The following METTL16 variants were observed in gnomAD, a reference collection of about 807,000 sequenced individuals.
The protein encoded by METTL16 is RNA N(6)-adenosine-methyltransferase METTL16.
A neutral mutation model predicts 57.9 loss-of-function variants in METTL16; 19 were observed. That is an observed-to-expected ratio of 0.33 (90% CI 0.23 to 0.48). METTL16 has a LOEUF of 0.48. Among genes scored for constraint, METTL16 ranks in the 20% least tolerant of loss-of-function variants. The pLI is 0.99. For synonymous variants in METTL16, 246 were observed against 255.6 expected (o/e 0.96, Z 0.36); for missense variants, 434 against 691.5 (o/e 0.63, Z 4.18).
intron 6 of METTL16, among the ~76,000 whole-genome samples, chr17:2,460,857 C>T (rs2151561710): frequency 6.7e-6 from 1 of 149,586 alleles, no homozygotes; most frequent in African/African-American, 2.5e-5. Context: ...TGCACTCCAG[C>T]CTAGGCAGTA....
intron 3 of METTL16, among the ~76,000 whole-genome samples, chr17:2,477,206 T>G (rs769583605): frequency 6.6e-6 from 1 of 151,958 alleles, no homozygotes; most frequent in African/African-American, 2.4e-5. Flanking sequence ...AAAAATAAAA[T>G]GAAAAGCTAT....
At chr17:2,460,885 CAAAA>C (rs1369970185) in intron 6 of METTL16, among the ~76,000 whole-genome samples, 1 of 57,798 alleles carries the variant, frequency 1.7e-5, no homozygotes, top group Non-Finnish European at 3.7e-5. Flanking sequence ...AACTCAGTCT[CAAAA>C]AAAAAAAAAA....
At chr17:2,424,523 A>T (rs1256806279) in intron 8 of METTL16, 1 of 152,280 alleles carries the variant, frequency 6.6e-6, no homozygotes, top group East Asian at 1.9e-4. Flanking sequence ...AAGTGTTCGG[A>T]CTCCAGGCCT....
chr17:2,431,851 C>T (rs886841012), intron 8 of METTL16, among the ~76,000 whole-genome samples: 2 of 152,048 alleles, frequency 1.3e-5, no homozygotes, highest in Middle Eastern at 3.4e-3. Context: ...GAAATAACAA[C>T]GGAGCAAGAG....
At position 2,416,322 on chromosome 17, in the gene METTL16, G is replaced by A. The variant is rs1022722339; in HGVS notation, c.*3648C>T. 6.6e-6 allele frequency: 1 copy of A among 152,082 alleles called. No individual in the cohort carries two copies. The highest frequency in any genetic ancestry group is 1.5e-5 in the Non-Finnish European group (1 of 68,020). 9.4% of individuals were successfully genotyped at this position (152,082 alleles called of 1,614,324 possible). On this transcript the variant is annotated 3_prime_UTR_variant, in exon 10 of 10. Transcript: ENST00000263092. ...CAGCTCCCTTCTTTCAAAAGGCCTC[G>A]GATTTCCCACAGGCTTTTCCATCTT...
chr17:2,427,032 G>T (rs554923708), intron 8 of METTL16, among the ~76,000 whole-genome samples: 1 of 151,480 alleles, frequency 6.6e-6, no homozygotes. Context: ...AATCCCAGCT[G>T]CTCGGAAGAC....
At chr17:2,461,145 G>C (rs1477062878) in intron 6 of METTL16, among the ~76,000 whole-genome samples, 1 of 152,092 alleles carries the variant, frequency 6.6e-6, no homozygotes, top group Admixed American at 6.6e-5. Context: ...CTGAGGTCAA[G>C]ACTTCGAGAC....
At chr17:2,434,893 A>C (rs1331227956) in intron 8 of METTL16, among the ~76,000 whole-genome samples, 1 of 152,218 alleles carries the variant, frequency 6.6e-6, no homozygotes, top group East Asian at 1.9e-4. Context: ...GCTCACACCA[A>C]GAGTGAACAA....
chr17:2,458,731 C>T (rs528053005), intron 6 of METTL16, among the ~76,000 whole-genome samples: 1 of 152,010 alleles, frequency 6.6e-6, no homozygotes, highest in South Asian at 2.1e-4. Context: ...TACACACACA[C>T]TCACACACAA....
intron 2 of METTL16, among the ~76,000 whole-genome samples, chr17:2,495,174 G>C (rs111424635): frequency 0.027 from 4,063 of 151,476 alleles, 98 homozygotes; most frequent in African/African-American, 0.067. Context: ...AAACAACAAC[G>C]ACAAAAAATT....
intron 6 of METTL16, among the ~76,000 whole-genome samples, chr17:2,447,535 G>A (rs1426458206): frequency 3.3e-5 from 4 of 121,842 alleles, no homozygotes; most frequent in African/African-American, 1.6e-4. Context: ...GGGAAGTGAG[G>A]AGCCCCTCTG....
chr17:2,448,794 A>G (rs1260715982), intron 6 of METTL16, among the ~76,000 whole-genome samples: 2 of 91,006 alleles, frequency 2.2e-5, no homozygotes, highest in Non-Finnish European at 4.1e-5. Flanking sequence ...AAAAATAAAA[A>G]TAAAATTTAA....
At chr17:2,457,919 A>T (rs2067123073) in intron 6 of METTL16, among the ~76,000 whole-genome samples, 1 of 152,082 alleles carries the variant, frequency 6.6e-6, no homozygotes. Context: ...TTGCTCTGTC[A>T]CCCAGGCTGG....
intron 8 of METTL16, among the ~76,000 whole-genome samples, chr17:2,423,261 G>GGGGTGT (rs1178930575): frequency 1.7e-4 from 25 of 143,704 alleles, no homozygotes; most frequent in Admixed American, 2.1e-4. Flanking sequence ...AAAAACAAAG[G>GGGGTGT]GTGTGTGTGT....
At chr17:2,446,752 G>C (rs180964466) in intron 6 of METTL16, among the ~76,000 whole-genome samples, 10,554 of 149,288 alleles carry the variant, frequency 0.071, 1,091 homozygotes, top group African/African-American at 0.23. Context: ...ACTGGTTCTC[G>C]TTTTTTTTTT....
At chr17:2,495,968 G>T (rs575722925) in intron 2 of METTL16, among the ~76,000 whole-genome samples, 1 of 151,336 alleles carries the variant, frequency 6.6e-6, no homozygotes, top group East Asian at 1.9e-4. Context: ...AAATTATTTG[G>T]GCGTGGCAGT....
intron 5 of METTL16, among the ~76,000 whole-genome samples, chr17:2,465,631 G>A (rs1009409849): frequency 5.3e-5 from 8 of 151,282 alleles, no homozygotes; most frequent in Non-Finnish European, 1.0e-4. Context: ...GGGAGGCCAA[G>A]GTGGGCAGAT....
chr17:2,435,184 C>T (rs1165633811), intron 8 of METTL16, among the ~76,000 whole-genome samples: 7 of 152,146 alleles, frequency 4.6e-5, no homozygotes, highest in Admixed American at 4.6e-4. Flanking sequence ...GCACTTGAAT[C>T]ACCAGTGAAT....
At chr17:2,492,062 T>C (rs1172432975) in intron 2 of METTL16, among the ~76,000 whole-genome samples, 3 of 150,078 alleles carry the variant, frequency 2.0e-5, no homozygotes, top group South Asian at 2.1e-4. Flanking sequence ...ATACAAAAAA[T>C]TAGCCGGGCG....
Sources: gnomAD v4.1 joint callset for allele counts (sites outside exome capture counted in the v4.1 genomes callset) on GRCh38, gnomAD v4.1.1 for gene constraint, MANE v1.5 for transcripts, NCBI Gene and HGNC (gene_info 2026-07-23, HGNC 2026-07-21) for gene names.